The following RBBP8 variants were observed in gnomAD, a reference collection of about 807,000 sequenced individuals.
RBBP8 encodes the protein RB binding protein 8, endonuclease.
In RBBP8, 88 loss-of-function variants were observed where a neutral mutation model predicts 108.3. The observed-to-expected ratio is 0.81, with a 90% CI of 0.68 to 0.97. RBBP8 has a LOEUF of 0.97. Ranked by LOEUF, RBBP8 falls within the 50% of genes least tolerant of loss-of-function variation. The pLI is 0.00. For missense variants in RBBP8, 1,023 were observed against 1,049.0 expected (o/e 0.98, Z 0.34); for synonymous variants, 332 against 348.2 (o/e 0.95, Z 0.52).
chr18:22,949,592 A>C, intron 3 of RBBP8, 26 bp from the exon 4 acceptor site: 2 of 1,514,862 alleles, frequency 1.3e-6, no homozygotes, highest in South Asian at 1.1e-5. Context: ...TTTATCTGAA[A>C]AACTTATTTA....
At chr18:23,025,087 G>A (rs770138523) in intron 18 of RBBP8, among the ~76,000 whole-genome samples, 9 of 151,588 alleles carry the variant, frequency 5.9e-5, no homozygotes, top group South Asian at 4.2e-4. Context: ...GGCTCTAGAC[G>A]AAATAAATAA....
chr18:22,960,312 G>A (rs1000276423), intron 4 of RBBP8, among the ~76,000 whole-genome samples: 1 of 152,208 alleles, frequency 6.6e-6, no homozygotes, highest in African/African-American at 2.4e-5. Context: ...CCCAGCATGG[G>A]AGGCCAAGTA....
chr18:22,998,633 G>C (rs527935519), intron 14 of RBBP8, among the ~76,000 whole-genome samples: 2 of 152,210 alleles, frequency 1.3e-5, no homozygotes, highest in Non-Finnish European at 2.9e-5. Context: ...GTTAGAAGCC[G>C]AATACATTGA....
chr18:22,999,622 T>C (rs921931506), intron 14 of RBBP8, among the ~76,000 whole-genome samples: 1 of 151,086 alleles, frequency 6.6e-6, no homozygotes, highest in Admixed American at 6.6e-5. Flanking sequence ...GCACATGGAA[T>C]AGGAGACATT....
At chr18:22,994,090 G>A (rs1270132921) in intron 12 of RBBP8, among the ~76,000 whole-genome samples, 2 of 123,072 alleles carry the variant, frequency 1.6e-5, no homozygotes, top group South Asian at 2.6e-4. Context: ...GCGCGATCTC[G>A]GCTCACTGCA....
At chr18:22,989,120 A>C in intron 8 of RBBP8, 101 bp from the exon 9 acceptor site, 2 of 806,196 alleles carry the variant, frequency 2.5e-6, no homozygotes, top group South Asian at 3.1e-5. Flanking sequence ...ATGAAGTGTG[A>C]GCCTTTTCCT....
intron 17 of RBBP8, among the ~76,000 whole-genome samples, chr18:23,021,344 G>GT (rs1457440633): frequency 6.6e-6 from 1 of 152,242 alleles, no homozygotes; most frequent in Admixed American, 6.5e-5. Flanking sequence ...GAACACAGGA[G>GT]TGGGAGGTTG....
intron 14 of RBBP8, among the ~76,000 whole-genome samples, chr18:22,999,589 G>A (rs1027347702): frequency 5.3e-5 from 8 of 151,726 alleles, no homozygotes; most frequent in African/African-American, 1.9e-4. Context: ...TGGGAGGAGT[G>A]TTGACATCAT....
intron 3 of RBBP8, among the ~76,000 whole-genome samples, chr18:22,917,953 G>A (rs564610021): frequency 5.4e-5 from 8 of 147,458 alleles, no homozygotes; most frequent in African/African-American, 1.2e-4. Flanking sequence ...AGCCAAGATC[G>A]CGCCACTGCA....
intron 12 of RBBP8, among the ~76,000 whole-genome samples, chr18:22,995,506 C>T (rs1306000622): frequency 6.6e-6 from 1 of 152,206 alleles, no homozygotes; most frequent in Non-Finnish European, 1.5e-5. Context: ...GGTATACCCA[C>T]AGAGTTGTAC....
At chr18:22,985,276 A>C (rs1915244479) in intron 8 of RBBP8, among the ~76,000 whole-genome samples, 1 of 152,224 alleles carries the variant, frequency 6.6e-6, no homozygotes, top group South Asian at 2.1e-4. Flanking sequence ...TATACCAGGC[A>C]CTGAATAAAA....
intron 5 of RBBP8, among the ~76,000 whole-genome samples, chr18:22,969,617 G>T (rs1913914527): frequency 6.6e-6 from 1 of 152,018 alleles, no homozygotes; most frequent in Non-Finnish European, 1.5e-5. Context: ...TATGCTCATT[G>T]TTTTTAAAAG....
rs187594098 is a variant in RBBP8, at chr18:22,942,235, G to A, written c.110-4209G>A. The stretch of plus-strand genomic sequence containing the variant: ...CAGTAAAAAATAAAAGAGAAATGTT[G>A]GGAATGGTAATATTTGAGATATATA... On this transcript the variant is annotated intron_variant, in intron 2 of 18. Transcript: ENST00000327155. 5.4e-4 allele frequency among the ~76,000 whole-genome samples: 82 copies of A among 152,150 alleles called. 1 individual carries two copies. Among genetic ancestry groups the A allele is most frequent in the African/African-American group, 1.9e-3 (78 of 41,458 alleles).
At chr18:22,934,538 T>G (rs1910342875) in intron 1 of RBBP8, among the ~76,000 whole-genome samples, 1 of 152,190 alleles carries the variant, frequency 6.6e-6, no homozygotes, top group Non-Finnish European at 1.5e-5. Context: ...TATTATTTTT[T>G]ATACTTTAAG....
chr18:23,019,296 C>A (rs1406096613), intron 17 of RBBP8, among the ~76,000 whole-genome samples: 1 of 152,178 alleles, frequency 6.6e-6, no homozygotes, highest in Non-Finnish European at 1.5e-5. Flanking sequence ...ATAATCATTT[C>A]CCGTGCTTTC....
chr18:23,022,669 A>AAAATAAAATAAAATAAC (rs1555650207), intron 18 of RBBP8, among the ~76,000 whole-genome samples: 1 of 141,050 alleles, frequency 7.1e-6, no homozygotes, highest in Non-Finnish European at 1.5e-5. Flanking sequence ...AAAATAAAAT[A>AAAATAAAATAAAATAAC]AATAACTGTA....
At position 22,996,421 on chromosome 18, in the gene RBBP8, C is replaced by T; in HGVS notation, c.1987C>T (p.Leu663Phe). Residue 663 changes from leucine to phenylalanine, a missense_variant, in exon 13 of 19, where the codon CTT becomes TTT. Transcript: ENST00000327155. Reference sequence around the variant, plus strand: ...GTGGAGTATAGATCCGGGAGCAGACCTTTCTCAGTATAAAATGGATGTTAC... The same window carrying T: ...GTGGAGTATAGATCCGGGAGCAGACTTTTCTCAGTATAAAATGGATGTTAC... ...IQWSIDPGAD[L>F]SQYKMDVTVI... 1 of 1,613,524 alleles carries T rather than the reference C, an allele frequency of 6.2e-7. No homozygotes were observed. The highest frequency in any genetic ancestry group is 1.1e-5 in the South Asian group (1 of 91,064).
intron 4 of RBBP8, among the ~76,000 whole-genome samples, chr18:22,963,146 T>C (rs1316969711): frequency 6.6e-6 from 1 of 152,208 alleles, no homozygotes; most frequent in African/African-American, 2.4e-5. Context: ...ATTCTTCATA[T>C]TGTTTTGCTG....
chr18:23,004,178 C>T (rs533896590), intron 15 of RBBP8, among the ~76,000 whole-genome samples: 13 of 151,570 alleles, frequency 8.6e-5, no homozygotes, highest in East Asian at 3.9e-4. Flanking sequence ...TCTGCACTCA[C>T]GTTTATTGCA....
Sources: gnomAD v4.1 joint callset for allele counts (sites outside exome capture counted in the v4.1 genomes callset) on GRCh38, gnomAD v4.1.1 for gene constraint, MANE v1.5 for transcripts, NCBI Gene and HGNC (gene_info 2026-07-23, HGNC 2026-07-21) for gene names.